Variants in DGKK observed in about 807,000 individuals in gnomAD.
DGKK encodes the protein 142 kDa diacylglycerol kinase.
A neutral mutation model predicts 92.2 loss-of-function variants in DGKK; 35 were observed. The ratio of observed to expected loss-of-function variants is 0.38; its 90% CI spans 0.29 to 0.50. The LOEUF (loss-of-function observed/expected upper bound fraction) is 0.50. Ranked by LOEUF, DGKK falls within the 20% of genes least tolerant of loss-of-function variation. The pLI is 0.92. For missense variants in DGKK, 910 were observed against 992.2 expected (o/e 0.92, Z 1.11); for synonymous variants, 368 against 360.6 (o/e 1.02, Z -0.23).
intron 25 of DGKK, among the ~76,000 whole-genome samples, chrX:50,374,577 T>C (rs1557223584): frequency 9.0e-6 from 1 of 111,380 alleles, no homozygotes; most frequent in Non-Finnish European, 1.9e-5. Flanking sequence ...TCTCCCAATT[T>C]TCCCACTATT....
chrX:50,389,466 C>A (rs1168768859), intron 12 of DGKK, among the ~76,000 whole-genome samples: 1 of 111,728 alleles, frequency 9.0e-6, no homozygotes, highest in African/African-American at 3.3e-5. Context: ...TACTTAAACC[C>A]CTTCTCTTAG....
intron 25 of DGKK, among the ~76,000 whole-genome samples, chrX:50,373,348 G>A (rs1468542578): frequency 8.9e-6 from 1 of 112,184 alleles, no homozygotes; most frequent in Non-Finnish European, 1.9e-5. Context: ...ACATTTGGAT[G>A]TGTGGATGTG....
At chrX:50,404,297 C>A (rs1375488310) in intron 4 of DGKK, 113 bp from the exon 5 acceptor site, 2 of 824,298 alleles carry the variant, frequency 2.4e-6, no homozygotes, top group African/African-American at 2.1e-5. Flanking sequence ...GGTGTCAGAG[C>A]GTGTGAAGGG....
intron 7 of DGKK, 45 bp downstream of exon 7, chrX:50,403,016 G>A (rs1557226798): frequency 3.3e-6 from 4 of 1,194,732 alleles, no homozygotes; most frequent in East Asian, 3.0e-5. Context: ...CCACTCCCTC[G>A]CCAGGAGTTA....
At chrX:50,379,914 G>A (rs1476354760) in intron 19 of DGKK, 67 bp downstream of exon 19, 2 of 1,040,700 alleles carry the variant, frequency 1.9e-6, no homozygotes, top group Non-Finnish European at 2.7e-6. Flanking sequence ...CAGCATGTAC[G>A]GTATTCCCAA....
At chrX:50,391,064 C>T (rs72619069) in intron 11 of DGKK, among the ~76,000 whole-genome samples, 10 of 111,287 alleles carry the variant, frequency 9.0e-5, no homozygotes, top group African/African-American at 2.0e-4. Context: ...ATCCATGGGG[C>T]CCCTGCTCTA....
intron 1 of DGKK, among the ~76,000 whole-genome samples, chrX:50,457,837 G>A (rs1926646995): frequency 9.0e-6 from 1 of 111,019 alleles, no homozygotes; most frequent in African/African-American, 3.3e-5. Context: ...TCTTTGTCAG[G>A]AACACAATCC....
intron 2 of DGKK, among the ~76,000 whole-genome samples, chrX:50,422,931 G>T (rs1925636837): frequency 8.9e-6 from 1 of 111,765 alleles, no homozygotes; most frequent in Non-Finnish European, 1.9e-5. Context: ...TTGCAGTGTT[G>T]CTAGTCCCAT....
intron 19 of DGKK, 50 bp downstream of exon 19, chrX:50,379,931 G>A: frequency 3.6e-6 from 4 of 1,115,526 alleles, no homozygotes; most frequent in Non-Finnish European, 4.9e-6. Flanking sequence ...CCAAGGCCAT[G>A]AGATTTCCTT....
At chrX:50,426,133 T>C (rs1925732289) in intron 1 of DGKK, among the ~76,000 whole-genome samples, 1 of 112,213 alleles carries the variant, frequency 8.9e-6, no homozygotes, top group Non-Finnish European at 1.9e-5. Context: ...TTCTGCTCTG[T>C]TAAAATTATT....
At chrX:50,451,428 C>T (rs1286731611) in intron 1 of DGKK, among the ~76,000 whole-genome samples, 1 of 111,321 alleles carries the variant, frequency 9.0e-6, no homozygotes, top group African/African-American at 3.3e-5. Flanking sequence ...TCGTCATCCT[C>T]AATGATTGAA....
chrX:50,366,726 C>G lies in DGKK; in HGVS notation c.*2214G>C, dbSNP rs1278149809. The G allele has an allele frequency of 1.8e-5, 2 of 111,915 alleles. No individual in the cohort carries two copies. The highest frequency in any genetic ancestry group is 3.8e-5 in the Non-Finnish European group (2 of 53,219). 9.2% of individuals were successfully genotyped at this position (111,915 alleles called of 1,213,427 possible). ...AAAAGCTCTTCTGAAGAAAATGCAA[C>G]TTGGTTCCCACTCTGTGAGTGTGTG... is the stretch of plus-strand genomic sequence containing the variant. On this transcript the variant is annotated 3_prime_UTR_variant, in exon 28 of 28. Transcript: ENST00000611977.
intron 1 of DGKK, among the ~76,000 whole-genome samples, chrX:50,464,459 C>CT (rs782036240): frequency 8.7e-4 from 95 of 109,686 alleles, no homozygotes; most frequent in African/African-American, 2.9e-3. Context: ...ATATTTCTTT[C>CT]TTTTTTTAAT....
chrX:50,404,474 T>A (rs1212491101), intron 4 of DGKK, among the ~76,000 whole-genome samples: 4 of 99,700 alleles, frequency 4.0e-5, no homozygotes, highest in Non-Finnish European at 4.0e-5. Context: ...TGAGAGGAAG[T>A]CTTGATCTGT....
intron 1 of DGKK, among the ~76,000 whole-genome samples, chrX:50,440,715 C>T: frequency 2.7e-5 from 3 of 111,423 alleles, no homozygotes; most frequent in Middle Eastern, 9.2e-3. Flanking sequence ...GTTAACTTGT[C>T]CCCTCCAAAT....
intron 1 of DGKK, among the ~76,000 whole-genome samples, chrX:50,468,857 T>TTGTGTGTG (rs145971796): frequency 5.0e-4 from 52 of 103,350 alleles, no homozygotes; most frequent in East Asian, 4.0e-3. Context: ...TGTTATTCGT[T>TTGTGTGTG]TGTGTGTGTG....
At chrX:50,402,599 G>A (rs144404269) in intron 7 of DGKK, among the ~76,000 whole-genome samples, 1,703 of 110,983 alleles carry the variant, frequency 0.015, 32 homozygotes, top group African/African-American at 0.054. Flanking sequence ...AATGAGGCCC[G>A]GTTTAGGCTT....
At chrX:50,383,271 G>C (rs1228813508) in intron 17 of DGKK, among the ~76,000 whole-genome samples, 4 of 110,778 alleles carry the variant, frequency 3.6e-5, no homozygotes, top group Non-Finnish European at 5.7e-5. Context: ...ATGGTGGAAG[G>C]GTTTACACCA....
At chrX:50,410,947 C>T (rs1401062344) in intron 4 of DGKK, among the ~76,000 whole-genome samples, 1 of 111,151 alleles carries the variant, frequency 9.0e-6, no homozygotes, top group Non-Finnish European at 1.9e-5. Context: ...TGGGGTGGGG[C>T]TCACAGTAAT....
Sources: gnomAD v4.1 joint callset for allele counts (sites outside exome capture counted in the v4.1 genomes callset) on GRCh38, gnomAD v4.1.1 for gene constraint, MANE v1.5 for transcripts, NCBI Gene and HGNC (gene_info 2026-07-23, HGNC 2026-07-21) for gene names.